BMP6: variants seen among roughly 807,000 people sequenced by gnomAD.
BMP6 encodes VG-1-R.
BMP6 carries 17 observed loss-of-function variants against 54.1 expected under a neutral mutation model. The observed-to-expected ratio is 0.31, with a 90% CI of 0.22 to 0.47. The LOEUF is 0.47. Ranked by LOEUF, BMP6 falls within the 20% of genes least tolerant of loss-of-function variation. The pLI is 1.00. For synonymous variants in BMP6, 328 were observed against 291.2 expected (o/e 1.13, Z -1.28); for missense variants, 720 against 690.4 (o/e 1.04, Z -0.48).
intron 1 of BMP6, among the ~76,000 whole-genome samples, chr6:7,809,552 T>G (rs946504488): frequency 4.6e-5 from 7 of 152,310 alleles, no homozygotes; most frequent in Non-Finnish European, 1.0e-4. Context: ...GTTTAAAAAT[T>G]AAATGCAGAC....
At chr6:7,838,173 A>G (rs1267648291) in intron 1 of BMP6, among the ~76,000 whole-genome samples, 2 of 151,826 alleles carry the variant, frequency 1.3e-5, no homozygotes, top group African/African-American at 2.4e-5. Flanking sequence ...GAGAGAGACC[A>G]TCTTCATATA....
chr6:7,788,898 T>C (rs573056160), intron 1 of BMP6, among the ~76,000 whole-genome samples: 11 of 151,848 alleles, frequency 7.2e-5, no homozygotes, highest in South Asian at 2.1e-4. Flanking sequence ...TAAAGTGTTC[T>C]GTGCTTTGCT....
At chr6:7,816,502 T>C (rs149938006) in intron 1 of BMP6, among the ~76,000 whole-genome samples, 11 of 152,226 alleles carry the variant, frequency 7.2e-5, no homozygotes, top group South Asian at 6.2e-4. Context: ...AGAAGTAAAA[T>C]TGGGAAAGTA....
chr6:7,845,159 C>G lies in BMP6; in HGVS notation c.684C>G (p.Phe228Leu). The G allele has an allele frequency of 6.2e-7, 1 of 1,613,494 alleles. No homozygotes were observed. Among genetic ancestry groups the G allele is most frequent in the South Asian group, 1.1e-5 (1 of 90,980 alleles). ...TTATAGTGGAGTACGACAAGGAGTT[C>G]TCCCCTCGTCAGCGACACCACAAAG... is the stretch of plus-strand genomic sequence containing the variant. ...FVNLVEYDKE[F>L]SPRQRHHKEF... is the part of the protein sequence containing the mutation. Residue 228 changes from phenylalanine to leucine, a missense_variant, in exon 2 of 7, where the codon TTC becomes TTG. Transcript: ENST00000283147.
chr6:7,840,063 C>T lies in BMP6; in HGVS notation c.665-5077C>T, dbSNP rs115775407. Among the ~76,000 whole-genome samples, 1,197 of 152,308 alleles carry T rather than the reference C, an allele frequency of 7.9e-3. 12 individuals carry two copies. The highest frequency in any genetic ancestry group is 0.027 in the African/African-American group (1,131 of 41,558). On this transcript the variant is annotated intron_variant, in intron 1 of 6. Coordinates refer to ENST00000283147, the MANE Select transcript of BMP6 (RefSeq NM_001718.6). ...ATTGCCTGCACAGCGGCCATGCCCA[C>T]CTATGATACATGAGCCATTCACCCG...
At chr6:7,778,454 G>T (rs562744870) in intron 1 of BMP6, among the ~76,000 whole-genome samples, 4 of 144,496 alleles carry the variant, frequency 2.8e-5, no homozygotes, top group Non-Finnish European at 6.1e-5. Flanking sequence ...CACACAGCCA[G>T]CAATGGCAGA....
At chr6:7,768,647 C>T (rs1204568972) in intron 1 of BMP6, among the ~76,000 whole-genome samples, 3 of 152,154 alleles carry the variant, frequency 2.0e-5, no homozygotes, top group Non-Finnish European at 4.4e-5. Context: ...GTAGTGGTTC[C>T]TCTGAAAAAA....
chr6:7,726,772 C>T lies in BMP6; in HGVS notation c.-184C>T, dbSNP rs933661115. The T allele has an allele frequency of 4.4e-6, 1 of 228,524 alleles. No homozygotes were observed. Among genetic ancestry groups the T allele is most frequent in the Non-Finnish European group, 7.9e-6 (1 of 127,058 alleles). The allele number at this position is 228,524 out of a possible 1,614,324, so 14.2% of individuals were successfully genotyped here. A position where few individuals can be genotyped will look rare whatever the true frequency, so the allele number is the denominator to read the frequency against. On this transcript the variant is annotated 5_prime_UTR_variant, in exon 1 of 7. Coordinates refer to ENST00000283147, the MANE Select transcript of BMP6 (RefSeq NM_001718.6). ...GATCGCCCCTTCGCCACCTCTCTAGCCTGGGCAACTGGGGGCGCCCCGGAC... is the reference window on the plus strand; with the variant it reads ...GATCGCCCCTTCGCCACCTCTCTAGTCTGGGCAACTGGGGGCGCCCCGGAC...
At chr6:7,730,693 C>T (rs543418575) in intron 1 of BMP6, among the ~76,000 whole-genome samples, 6 of 152,148 alleles carry the variant, frequency 3.9e-5, no homozygotes, top group Non-Finnish European at 7.3e-5. Flanking sequence ...TTCATTTGAA[C>T]AAAGTTATTG....
chr6:7,763,245 A>T (rs1270796992), intron 1 of BMP6, among the ~76,000 whole-genome samples: 4 of 152,188 alleles, frequency 2.6e-5, no homozygotes, highest in South Asian at 2.1e-4. Flanking sequence ...TATGGAAGAG[A>T]ACTCAAAGAA....
At chr6:7,876,755 G>T (rs1004754955) in intron 4 of BMP6, among the ~76,000 whole-genome samples, 2 of 151,856 alleles carry the variant, frequency 1.3e-5, no homozygotes, top group Admixed American at 1.3e-4. Context: ...CAATGGTTAT[G>T]GTTTTTATAA....
intron 1 of BMP6, among the ~76,000 whole-genome samples, chr6:7,780,207 G>T (rs1757921991): frequency 6.6e-6 from 1 of 152,114 alleles, no homozygotes; most frequent in African/African-American, 2.4e-5. Flanking sequence ...TCTCCTAGTG[G>T]GTGTTAGACT....
chr6:7,799,807 G>C (rs1581252652), intron 1 of BMP6, among the ~76,000 whole-genome samples: 1 of 151,424 alleles, frequency 6.6e-6, no homozygotes, highest in East Asian at 1.9e-4. Flanking sequence ...TTTAAAACTT[G>C]AAAGGATTTT....
At chr6:7,853,795 C>T (rs992059297) in intron 2 of BMP6, among the ~76,000 whole-genome samples, 4 of 151,990 alleles carry the variant, frequency 2.6e-5, no homozygotes, top group African/African-American at 9.7e-5. Flanking sequence ...TGTTCCTTTG[C>T]CCCTGAAAAA....
chr6:7,852,205 G>A (rs1759153246), intron 2 of BMP6, among the ~76,000 whole-genome samples: 1 of 152,186 alleles, frequency 6.6e-6, no homozygotes. Flanking sequence ...TCCAGGTTAG[G>A]CAGGGTTTAA....
intron 1 of BMP6, among the ~76,000 whole-genome samples, chr6:7,832,231 G>T (rs181036721): frequency 1.3e-5 from 2 of 152,288 alleles, no homozygotes; most frequent in East Asian, 1.9e-4. Context: ...CTGAATTACT[G>T]CAATAGACCG....
Position 7,881,573 on chromosome 6 carries a change from C to G in BMP6, c.*1230C>G, listed in dbSNP as rs1158205002. On this transcript the variant is annotated 3_prime_UTR_variant, in exon 7 of 7. Transcript: ENST00000283147. ...TCATAGTGTAAACAAACAAATTGTA[C>G]CACTTTGATTTTCTTGGAATACAAG... 1 of 152,120 alleles carries G rather than the reference C, an allele frequency of 6.6e-6. No individual in the cohort carries two copies. The highest frequency in any genetic ancestry group is 1.5e-5 in the Non-Finnish European group (1 of 68,008). 9.4% of individuals were successfully genotyped at this position (152,120 alleles called of 1,614,324 possible).
At chr6:7,815,889 G>A (rs780196804) in intron 1 of BMP6, among the ~76,000 whole-genome samples, 11 of 152,146 alleles carry the variant, frequency 7.2e-5, no homozygotes, top group Non-Finnish European at 1.2e-4. Flanking sequence ...TAGAGCAAGA[G>A]GAAACAGAAC....
intron 2 of BMP6, among the ~76,000 whole-genome samples, chr6:7,853,090 G>A (rs1457318994): frequency 1.3e-5 from 2 of 152,108 alleles, no homozygotes; most frequent in African/African-American, 2.4e-5. Context: ...TGCCCTGAAA[G>A]GAAAAGGCAG....
Sources: allele counts gnomAD v4.1 joint callset (sites outside exome capture counted in the v4.1 genomes callset), GRCh38; gene constraint gnomAD v4.1.1; transcripts MANE v1.5; gene names NCBI Gene and HGNC (gene_info 2026-07-23, HGNC 2026-07-21).